Variants in SEZ6L2 observed in about 807,000 individuals in gnomAD.
SEZ6L2 encodes seizure 6-like protein 2.
In SEZ6L2, 44 loss-of-function variants were observed where a neutral mutation model predicts 97.0. The observed-to-expected ratio is 0.45, with a 90% CI of 0.36 to 0.58. The LOEUF (loss-of-function observed/expected upper bound fraction) is 0.58, where lower values mean the gene tolerates loss of function less well. Among genes scored for constraint, SEZ6L2 ranks in the 20% least tolerant of loss-of-function variants. SEZ6L2 has a pLI of 0.00. For synonymous variants in SEZ6L2, 543 were observed against 546.1 expected (o/e 0.99, Z 0.08); for missense variants, 1,086 against 1,233.3 (o/e 0.88, Z 1.79).
chr16:29,884,399 C>T (rs1165744086), intron 8 of SEZ6L2, among the ~76,000 whole-genome samples: 1 of 152,100 alleles, frequency 6.6e-6, no homozygotes, highest in Non-Finnish European at 1.5e-5. Flanking sequence ...CAAGACCAGC[C>T]TGGGCAACAT....
intron 1 of SEZ6L2, 39 bp from the exon 2 acceptor site, chr16:29,898,023 C>T (rs750359006): frequency 6.2e-7 from 1 of 1,610,168 alleles, no homozygotes; most frequent in South Asian, 1.1e-5. Flanking sequence ...CACTTCCCCA[C>T]ACCCCTTCCT....
At position 29,898,059 on chromosome 16, in the gene SEZ6L2, T is replaced by C. The variant is rs1191705861; in HGVS notation, c.80-75A>G. The C allele has an allele frequency of 5.7e-6, 9 of 1,586,762 alleles. No homozygotes were observed. The South Asian group carries it at 7.9e-5, about 14-fold the overall frequency. On this transcript the variant is annotated intron_variant, in intron 1 of 17. Transcript: ENST00000617533. ...TCTCCAGAGAGATATTTTCTAGAACTCTTCCTCCCTCCTCCATCAGCTGGG... is the reference window on the plus strand; with the variant it reads ...TCTCCAGAGAGATATTTTCTAGAACCCTTCCTCCCTCCTCCATCAGCTGGG...
chr16:29,894,602 A>T (rs1287621729), intron 5 of SEZ6L2, among the ~76,000 whole-genome samples: 1 of 151,986 alleles, frequency 6.6e-6, no homozygotes, highest in Admixed American at 6.6e-5. Context: ...AACCATCCTG[A>T]TTACTCATCT....
intron 5 of SEZ6L2, 91 bp downstream of exon 5, chr16:29,895,168 G>C: frequency 1.8e-6 from 2 of 1,100,418 alleles, no homozygotes; most frequent in Non-Finnish European, 2.6e-6. Context: ...GACAGAGCAA[G>C]ACTCTGTCTC....
In SEZ6L2 at chr16:29,895,834, C is replaced by G; in HGVS notation, c.538G>C (p.Gly180Arg). The G allele has an allele frequency of 6.2e-7, 1 of 1,613,670 alleles. No homozygotes were observed. Among genetic ancestry groups the G allele is most frequent in the Non-Finnish European group, 8.5e-7 (1 of 1,179,828 alleles). Residue 180 changes from glycine to arginine, a missense_variant, in exon 4 of 18, where the codon GGC becomes CGC. Gly to Arg is a moderately radical substitution (Grantham distance 125). Coordinates refer to ENST00000617533, the MANE Select transcript of SEZ6L2 (RefSeq NM_001243332.2). ...PVLCNNNISE[G>R]EGYVESPDLG... ...TCTGGAGACTCCACATACCCTTCGC[C>G]CTCGGAGATGTTGTTATTACACAGA... is the stretch of plus-strand genomic sequence containing the variant.
At position 29,896,955 on chromosome 16, in the gene SEZ6L2, GGGCGGGGTCAGCAGTTCT is replaced by G; in HGVS notation, c.360_377del (p.Glu121_Pro126del). ...GTGGGGGTGGGGCTGTGGTTCCTGG[GGGCGGGGTCAGCAGTTCT>G]GGCGCAGTGGGGCCTGCCCCCCTGA... On this transcript the variant is annotated inframe_deletion, in exon 3 of 18. Coordinates refer to ENST00000617533, the MANE Select transcript of SEZ6L2 (RefSeq NM_001243332.2). 6.3e-7 allele frequency: 1 copy of G among 1,598,616 alleles called. No individual in the cohort carries two copies. The highest frequency in any genetic ancestry group is 8.5e-7 in the Non-Finnish European group (1 of 1,173,828).
Position 29,887,705 on chromosome 16 carries a change from C to T in SEZ6L2, c.1152G>A (p.Glu384=), listed in dbSNP as rs766621339. The change falls in exon 7 of 18, where the codon GAG becomes GAA. Residue 384 remains glutamate (E), a synonymous_variant. Coordinates refer to ENST00000617533, the MANE Select transcript of SEZ6L2 (RefSeq NM_001243332.2). ...CAAAGTGCAGGTGCAGCCGGCGCCC[C>T]TCAGCTGCTTCAATGACCCAACGGC... ...LTCRWVIEAA[E]GRRLHLHFER... is the part of the protein sequence containing the mutation. 3 of 1,611,458 alleles carry T rather than the reference C, an allele frequency of 1.9e-6. No individual in the cohort carries two copies. In the East Asian group the frequency reaches 6.7e-5, roughly 36 times the overall value.
In SEZ6L2 at chr16:29,899,087, T is replaced by G; in HGVS notation, c.-68A>C. 4 of 872,982 alleles carry G rather than the reference T, an allele frequency of 4.6e-6. No homozygotes were observed. The highest frequency in any genetic ancestry group is 1.7e-5 in the African/African-American group (1 of 57,340). 54.1% of individuals were successfully genotyped at this position (872,982 alleles called of 1,614,324 possible). The stretch of plus-strand genomic sequence containing the variant: ...ATCTGGCTGCCACCTTTCCTCCGTC[T>G]CCGTTTATCTTTCCCTTTAATTGTT... On this transcript the variant is annotated 5_prime_UTR_variant, in exon 1 of 18. Coordinates refer to ENST00000617533, the MANE Select transcript of SEZ6L2 (RefSeq NM_001243332.2).
At position 29,877,257 on chromosome 16, in the gene SEZ6L2, C is replaced by T. The variant is rs1414095940; in HGVS notation, c.1909+14G>A. 9 of 1,547,908 alleles carry T rather than the reference C, an allele frequency of 5.8e-6. No homozygotes were observed. Among genetic ancestry groups the T allele is most frequent in the Non-Finnish European group, 7.9e-6 (9 of 1,145,370 alleles). On this transcript the variant is annotated intron_variant, in intron 11 of 17. Transcript: ENST00000617533. Reference sequence around the variant, plus strand: ...CCCGACCCCTGCCCATCCCGGGACTCTATCCCTCAGTACCTTTGAAGTGCA... The same window carrying T: ...CCCGACCCCTGCCCATCCCGGGACTTTATCCCTCAGTACCTTTGAAGTGCA...
chr16:29,890,681 A>G (rs997221933), intron 5 of SEZ6L2, among the ~76,000 whole-genome samples: 9 of 147,636 alleles, frequency 6.1e-5, no homozygotes, highest in Non-Finnish European at 1.5e-5. Context: ...TCCAACAGTT[A>G]CTTGTTCTCT....
Position 29,873,212 on chromosome 16 carries a change from G to A in SEZ6L2, c.2488+28C>T. On this transcript the variant is annotated intron_variant, in intron 14 of 17. Coordinates refer to ENST00000617533, the MANE Select transcript of SEZ6L2 (RefSeq NM_001243332.2). This position sits in a 1 kb window ranked among gnomAD's most constrained non-coding sequence, Gnocchi z 4.3. The stretch of plus-strand genomic sequence containing the variant: ...CCTGTCACTTCCCGGACACTGGTGT[G>A]CCCCTCCTGCCCTGTCTGGCCAGGC... 1.2e-6 allele frequency: 2 copies of A among 1,610,628 alleles called. No homozygotes were observed.
intron 5 of SEZ6L2, among the ~76,000 whole-genome samples, chr16:29,893,198 C>T (rs1212505675): frequency 6.6e-6 from 1 of 151,590 alleles, no homozygotes; most frequent in East Asian, 1.9e-4. Flanking sequence ...GTGGGGCATG[C>T]TTGTAATCCC....
rs1337677073 is a variant in SEZ6L2 at position 29,888,667 on chromosome 16, C to T, written c.912G>A (p.Thr304=). The change falls in exon 6 of 18, where the codon ACG becomes ACA. Residue 304 remains threonine, a synonymous_variant. Coordinates refer to ENST00000617533, the MANE Select transcript of SEZ6L2 (RefSeq NM_001243332.2). ...TGGCAGTGCCCCCAGGGTGCAGGTC[C>T]GTCACACTCACGTCCCCATGGGCCG... ...PRPAHGDVSV[T]DLHPGGTATF... The T allele has an allele frequency of 1.5e-5, 24 of 1,613,840 alleles. No homozygotes were observed. The highest frequency in any genetic ancestry group is 3.3e-5 in the South Asian group (3 of 91,082).
At chr16:29,890,828 A>G (rs1368888773) in intron 5 of SEZ6L2, among the ~76,000 whole-genome samples, 2 of 145,646 alleles carry the variant, frequency 1.4e-5, no homozygotes, top group Non-Finnish European at 1.5e-5. Context: ...AGCTCATTGC[A>G]ACTTTTACCT....
At chr16:29,895,229 C>T in intron 5 of SEZ6L2, 30 bp downstream of exon 5, 2 of 1,585,200 alleles carry the variant, frequency 1.3e-6, no homozygotes, top group Non-Finnish European at 8.7e-7. Flanking sequence ...ATGGCCCCTG[C>T]CCTTCCAGCA....
At chr16:29,883,251 C>T (rs961457009) in intron 8 of SEZ6L2, among the ~76,000 whole-genome samples, 5 of 152,112 alleles carry the variant, frequency 3.3e-5, no homozygotes, top group African/African-American at 4.8e-5. Context: ...GTTTCCCAGA[C>T]ATACCAGGCA....
chr16:29,894,486 C>T (rs2068337326), intron 5 of SEZ6L2, among the ~76,000 whole-genome samples: 1 of 147,616 alleles, frequency 6.8e-6, no homozygotes, highest in Non-Finnish European at 1.5e-5. Flanking sequence ...TCATCATCTC[C>T]TCCAAGAAGA....
At chr16:29,897,615 C>T (rs936433670) in intron 2 of SEZ6L2, among the ~76,000 whole-genome samples, 2 of 131,002 alleles carry the variant, frequency 1.5e-5, no homozygotes, top group Non-Finnish European at 3.3e-5. Flanking sequence ...TTCTATGTGT[C>T]TGTTTTTCTG....
chr16:29,878,156 C>A (rs1408420418), intron 10 of SEZ6L2, 131 bp downstream of exon 10: 1 of 1,162,136 alleles, frequency 8.6e-7, no homozygotes, highest in Non-Finnish European at 1.2e-6. Context: ...ACCCTTAGTG[C>A]ACCAGCCTAT....
Sources: allele counts gnomAD v4.1 joint callset (sites outside exome capture counted in the v4.1 genomes callset), GRCh38; gene constraint gnomAD v4.1.1; non-coding constraint Gnocchi (gnomAD v3.1); transcripts MANE v1.5; gene names NCBI Gene and HGNC (gene_info 2026-07-23, HGNC 2026-07-21).